SECTM1: variants seen among roughly 807,000 people sequenced by gnomAD.
SECTM1 encodes the protein secreted and transmembrane 1, also known as secreted and transmembrane protein 1.
In SECTM1, 10 loss-of-function variants were observed where a neutral mutation model predicts 18.1. That is an observed-to-expected ratio of 0.55 (90% CI 0.34 to 0.94). The LOEUF is 0.94. Ranked by LOEUF, SECTM1 falls within the 40% of genes least tolerant of loss-of-function variation. The pLI is 0.02. For synonymous variants in SECTM1, 137 were observed against 139.2 expected (o/e 0.98, Z 0.11); for missense variants, 297 against 322.6 (o/e 0.92, Z 0.61).
At chr17:82,332,106 C>G (rs1055091910) in intron 1 of SECTM1, among the ~76,000 whole-genome samples, 1 of 152,234 alleles carries the variant, frequency 6.6e-6, no homozygotes, top group African/African-American at 2.4e-5. Context: ...CTGGCCACTA[C>G]ATTCCAGCCT....
At position 82,322,468 on chromosome 17, in the gene SECTM1, C is replaced by T. The variant is rs910831544; in HGVS notation, c.538-98G>A. On this transcript the variant is annotated intron_variant, in intron 4 of 4. Coordinates refer to ENST00000269389, the MANE Select transcript of SECTM1 (RefSeq NM_003004.3). ...GTTCACACTCACGGGCATACGTGCT[C>T]ATGCACACCCCCACCCCCAGGCACA... 7.8e-5 allele frequency: 90 copies of T among 1,152,710 alleles called. 1 individual carries two copies. Among genetic ancestry groups the T allele is most frequent in the South Asian group, 2.9e-4 (23 of 78,068 alleles). 71.4% of individuals were successfully genotyped at this position (1,152,710 alleles called of 1,614,324 possible). A position where few individuals can be genotyped will look rare whatever the true frequency, so the allele number is the denominator to read the frequency against.
At chr17:82,322,737 G>T in intron 4 of SECTM1, 141 bp downstream of exon 4, 1 of 1,086,386 alleles carries the variant, frequency 9.2e-7, no homozygotes, top group Non-Finnish European at 1.3e-6. Context: ...CCCCTGGCGG[G>T]GACTGGCTCT....
At position 82,329,238 on chromosome 17, in the gene SECTM1, C is replaced by G. The variant is rs935578285; in HGVS notation, c.-52-1946G>C. The G allele has an allele frequency of 4.6e-5, 7 of 152,564 alleles. No individual in the cohort carries two copies. The highest frequency in any genetic ancestry group is 1.7e-4 in the African/African-American group (7 of 41,412). 9.5% of individuals were successfully genotyped at this position (152,564 alleles called of 1,614,324 possible). A position where few individuals can be genotyped will look rare whatever the true frequency, so the allele number is the denominator to read the frequency against. On this transcript the variant is annotated intron_variant, in intron 1 of 4. Coordinates refer to ENST00000269389, the MANE Select transcript of SECTM1 (RefSeq NM_003004.3). The surrounding 1 kb of genome is among the most constrained non-coding windows in gnomAD (Gnocchi z 7.6). Reference sequence around the variant, plus strand: ...CCCTGCACAGCCACAGGCAGCCACCCGGTCATTCCCATACTCTCACCATGG... The same window carrying G: ...CCCTGCACAGCCACAGGCAGCCACCGGGTCATTCCCATACTCTCACCATGG...
In SECTM1 at chr17:82,325,240, G is replaced by A. The variant is rs2052136107; in HGVS notation, c.95-350C>T. On this transcript the variant is annotated intron_variant, in intron 2 of 4. Coordinates refer to ENST00000269389, the MANE Select transcript of SECTM1 (RefSeq NM_003004.3). This position sits in a 1 kb window ranked among gnomAD's most constrained non-coding sequence, Gnocchi z 7.6. ...AGTCAGAGCCTCAGGTGTGTGCCGGGCGGCTGCGCTGTGGCAGGAGTGCTG... is the reference window on the plus strand; with the variant it reads ...AGTCAGAGCCTCAGGTGTGTGCCGGACGGCTGCGCTGTGGCAGGAGTGCTG... 1.3e-5 allele frequency among the ~76,000 whole-genome samples: 2 copies of A among 152,188 alleles called. No individual in the cohort carries two copies. Among genetic ancestry groups the A allele is most frequent in the Admixed American group, 6.5e-5 (1 of 15,282 alleles).
chr17:82,333,453 C>A (rs2052208833), intron 1 of SECTM1, among the ~76,000 whole-genome samples: 1 of 152,090 alleles, frequency 6.6e-6, no homozygotes, highest in East Asian at 1.9e-4. Context: ...GCCTGGCCTG[C>A]GACGCACGCT....
At position 82,321,502 on chromosome 17, in the gene SECTM1, A is replaced by AC. The variant is rs1284467115; in HGVS notation, c.*658dup. On this transcript the variant is annotated 3_prime_UTR_variant, in exon 5 of 5. Transcript: ENST00000269389. ...CAGGTGCGGTGGGCACGAGGGAGCG[A>AC]CCCCCGGGTGGCCGAGGGACTGAGG... 6.6e-6 allele frequency: 1 copy of AC among 152,272 alleles called. No homozygotes were observed. The highest frequency in any genetic ancestry group is 1.5e-5 in the Non-Finnish European group (1 of 68,102). The allele number at this position is 152,272 out of a possible 1,614,324, so 9.4% of individuals were successfully genotyped here.
Position 82,330,534 on chromosome 17 carries a change from C to A in SECTM1, c.-53+3166G>T, listed in dbSNP as rs1423263727. Reference sequence around the variant, plus strand: ...TGCACCCTGAGCCAGACCTCAGCAGCTGGGTCCTGGAGGCCCCCAAGGGCC... The same window carrying A: ...TGCACCCTGAGCCAGACCTCAGCAGATGGGTCCTGGAGGCCCCCAAGGGCC... On this transcript the variant is annotated intron_variant, in intron 1 of 4. Coordinates refer to ENST00000269389, the MANE Select transcript of SECTM1 (RefSeq NM_003004.3). This position sits in a 1 kb window ranked among gnomAD's most constrained non-coding sequence, Gnocchi z 6.1. Among the ~76,000 whole-genome samples, 1 of 152,212 alleles carries A rather than the reference C, an allele frequency of 6.6e-6. No individual in the cohort carries two copies.
At position 82,322,961 on chromosome 17, in the gene SECTM1, C is replaced by A. The variant is rs1185116592; in HGVS notation, c.454G>T (p.Val152Leu). ...PDTGFWPVPA[V>L]VTAVFILLVA... is the part of the protein sequence containing the mutation. ...AAGAGGATGAAGACAGCAGTGACCACCGCTGGCACAGGCCAGAACCCAGTG... is the reference window on the plus strand; with the variant it reads ...AAGAGGATGAAGACAGCAGTGACCAACGCTGGCACAGGCCAGAACCCAGTG... The change falls in exon 4 of 5, where the codon GTG (valine) becomes TTG (leucine). Residue 152 changes from valine (V) to leucine (L), a missense_variant. Physicochemically the swap from Val to Leu is conservative, Grantham distance 32. Coordinates refer to ENST00000269389, the MANE Select transcript of SECTM1 (RefSeq NM_003004.3). 1 of 1,613,890 alleles carries A rather than the reference C, an allele frequency of 6.2e-7. No homozygotes were observed. Among genetic ancestry groups the A allele is most frequent in the Non-Finnish European group, 8.5e-7 (1 of 1,179,960 alleles).
Position 82,325,651 on chromosome 17 carries a change from G to A in SECTM1, c.95-761C>T, listed in dbSNP as rs770195493. ...ACCCTGCCCCATAGCGACCCGTGCA[G>A]CTGCTTCCCTCAGAGGGTCTGGGGC... On this transcript the variant is annotated intron_variant, in intron 2 of 4. Transcript: ENST00000269389. This position sits in a 1 kb window ranked among gnomAD's most constrained non-coding sequence, Gnocchi z 7.6. Among the ~76,000 whole-genome samples the A allele has an allele frequency of 1.3e-5, 2 of 152,240 alleles. No homozygotes were observed. Among genetic ancestry groups the A allele is most frequent in the Non-Finnish European group, 2.9e-5 (2 of 68,038 alleles).
At chr17:82,332,853 C>T (rs2052202888) in intron 1 of SECTM1, among the ~76,000 whole-genome samples, 2 of 152,252 alleles carry the variant, frequency 1.3e-5, no homozygotes, top group South Asian at 2.1e-4. Context: ...CCACCACCCC[C>T]GCCCTGCTGG....
intron 1 of SECTM1, 52 bp from the exon 2 acceptor site, chr17:82,327,344 A>G: frequency 2.8e-6 from 3 of 1,064,884 alleles, no homozygotes; most frequent in Non-Finnish European, 4.1e-6. Flanking sequence ...GCTGAAGGGG[A>G]CAGCGGGAGC....
chr17:82,327,234 T>A lies in SECTM1; in HGVS notation c.7A>T (p.Thr3Ser), dbSNP rs971333122. The stretch of plus-strand genomic sequence containing the variant: ...TGGCCAGGGAATGCCAGGGGGCAGG[T>A]CTGCATGGCTGGTGGGACTTGGGCC... The part of the protein sequence containing the change: MQ[T>S]CPLAFPGHVS... Residue 3 changes from threonine (T) to serine (S), a missense_variant, in exon 2 of 5, where the codon ACC (threonine) becomes TCC (serine). Transcript: ENST00000269389. The A allele has an allele frequency of 1.2e-6, 2 of 1,606,392 alleles. No individual in the cohort carries two copies. Among genetic ancestry groups the A allele is most frequent in the Non-Finnish European group, 1.7e-6 (2 of 1,176,472 alleles).
In SECTM1 at chr17:82,326,624, T is replaced by TAAGAAAAGAAAAGAAAAGAA. The variant is rs71166201; in HGVS notation, c.94+522_94+523insTTCTTTTCTTTTCTTTTCTT. Among the ~76,000 whole-genome samples, 1 of 150,296 alleles carries TAAGAAAAGAAAAGAAAAGAA rather than the reference T, an allele frequency of 6.7e-6. No individual in the cohort carries two copies. The highest frequency in any genetic ancestry group is 2.1e-4 in the South Asian group (1 of 4,780). ...TAGAACCCGTCTCAAAAAAAAAAGATAAGAAAAGAAAAGCCCCTCAGGTCA... is the reference window on the plus strand; with the variant it reads ...TAGAACCCGTCTCAAAAAAAAAAGATAAGAAAAGAAAAGAAAAGAAAAGAAAAGAAAAGCCCCTCAGGTCA... On this transcript the variant is annotated intron_variant, in intron 2 of 4. Transcript: ENST00000269389. The surrounding 1 kb of genome is among the most constrained non-coding windows in gnomAD (Gnocchi z 4.3).
chr17:82,322,175 C>T lies in SECTM1; in HGVS notation c.733G>A (p.Ala245Thr). The T allele has an allele frequency of 1.2e-6, 2 of 1,613,756 alleles. No homozygotes were observed. Among genetic ancestry groups the T allele is most frequent in the Non-Finnish European group, 1.7e-6 (2 of 1,179,778 alleles). The change falls in exon 5 of 5, where the codon GCC (alanine) becomes ACC (threonine). Residue 245 changes from alanine (A) to threonine (T), a missense_variant. By Grantham distance (58) the Ala-to-Thr change is moderately conservative. Transcript: ENST00000269389. The part of the protein sequence containing the change: ...LLSPQPLFPY[A>T]ADP ...CTTGCAGGCGGCTATGGGTCTGCGGCATATGGAAACAAGGGTTGGGGGGAC... is the reference window on the plus strand; with the variant it reads ...CTTGCAGGCGGCTATGGGTCTGCGGTATATGGAAACAAGGGTTGGGGGGAC...
intron 3 of SECTM1, 47 bp downstream of exon 3, chr17:82,324,535 G>T (rs1567843496): frequency 1.4e-4 from 101 of 729,712 alleles, no homozygotes; most frequent in South Asian, 1.2e-3. Flanking sequence ...CCCTCCCCGT[G>T]TCCCCTCTCA....
At chr17:82,324,516 G>GCCCCCCC in intron 3 of SECTM1, 66 bp downstream of exon 3, 1 of 200,976 alleles carries the variant, frequency 5.0e-6, no homozygotes, top group Non-Finnish European at 9.5e-6. Flanking sequence ...CCCCTGCCCA[G>GCCCCCCC]GCCCCCTCCC....
rs2052092721 is a variant in SECTM1, at chr17:82,321,869, G to A, written c.*292C>T. On this transcript the variant is annotated 3_prime_UTR_variant, in exon 5 of 5. Transcript: ENST00000269389. ...GGACCAGCCTGGGGTGGCAGAAAGG[G>A]AGTCCGGGTCTGTGGGTTTGATGAG... 2 of 414,832 alleles carry A rather than the reference G, an allele frequency of 4.8e-6. No individual in the cohort carries two copies. The highest frequency in any genetic ancestry group is 4.1e-5 in the Admixed American group (1 of 24,146). The allele number at this position is 414,832 out of a possible 1,614,324, so 25.7% of individuals were successfully genotyped here.
Position 82,330,453 on chromosome 17 carries a change from G to A in SECTM1, c.-52-3161C>T, listed in dbSNP as rs2052182564. On this transcript the variant is annotated intron_variant, in intron 1 of 4. Coordinates refer to ENST00000269389, the MANE Select transcript of SECTM1 (RefSeq NM_003004.3). This position sits in a 1 kb window ranked among gnomAD's most constrained non-coding sequence, Gnocchi z 6.1. ...TGCGTCCACCCCACCTGCCCACCCA[G>A]GTGCTGGCTCTGCCACCCGTCTGTG... 6.6e-6 allele frequency among the ~76,000 whole-genome samples: 1 copy of A among 152,124 alleles called. No individual in the cohort carries two copies. Among genetic ancestry groups the A allele is most frequent in the Admixed American group, 6.5e-5 (1 of 15,278 alleles).
Position 82,326,965 on chromosome 17 carries a change from G to T in SECTM1, c.94+182C>A, listed in dbSNP as rs527586352. On this transcript the variant is annotated intron_variant, in intron 2 of 4. Coordinates refer to ENST00000269389, the MANE Select transcript of SECTM1 (RefSeq NM_003004.3). This position sits in a 1 kb window ranked among gnomAD's most constrained non-coding sequence, Gnocchi z 4.3. The stretch of plus-strand genomic sequence containing the variant: ...CCACCCTCCACCCACGGCGGGACAC[G>T]GTCCACTCACCGCCACCTGAGGCAG... Among the ~76,000 whole-genome samples, 88 of 151,984 alleles carry T rather than the reference G, an allele frequency of 5.8e-4. 4 individuals are homozygous for T. The highest frequency in any genetic ancestry group is 6.8e-3 in the Middle Eastern group (2 of 294).
Sources: allele counts gnomAD v4.1 joint callset (sites outside exome capture counted in the v4.1 genomes callset), GRCh38; gene constraint gnomAD v4.1.1; non-coding constraint Gnocchi (gnomAD v3.1); transcripts MANE v1.5; gene names NCBI Gene and HGNC (gene_info 2026-07-23, HGNC 2026-07-21).